AGRN: variants seen among roughly 807,000 people sequenced by gnomAD.
AGRN encodes the protein agrin.
A neutral mutation model predicts 211.0 loss-of-function variants in AGRN; 106 were observed. The observed-to-expected ratio is 0.50, with a 90% confidence interval of 0.43 to 0.59. AGRN has a LOEUF of 0.59. AGRN is among the 20% of genes least tolerant of loss of function. The probability of loss-of-function intolerance (pLI) is 0.00; values close to 1 mark genes in which losing one functional copy is unlikely to be tolerated. For missense variants in AGRN, 3,040 were observed against 2,982.6 expected (o/e 1.02, Z -0.45); for synonymous variants, 1,525 against 1,332.5 (o/e 1.14, Z -3.15).
At chr1:1,022,115 G>T (rs1055481777) in intron 1 of AGRN, 86 bp from the exon 2 acceptor site, 9 of 1,540,754 alleles carry the variant, frequency 5.8e-6, no homozygotes, top group Non-Finnish European at 8.0e-6. Flanking sequence ...GTCTACTGTG[G>T]ACATTTGCCC....
chr1:1,040,670 C>G lies in AGRN; in HGVS notation c.517C>G (p.Arg173Gly). ...PVPPTPPDAC[R>G]GMLCGFGAVC... The stretch of plus-strand genomic sequence containing the variant: ...TTCTCCCCTACCCGCCCCAGCGTGC[C>G]GGGGAATGCTGTGCGGCTTCGGCGC... The change falls in exon 4 of 36, where the codon CGG becomes GGG. Residue 173 changes from arginine to glycine, a missense_variant. Arg to Gly is a moderately radical substitution (Grantham distance 125). Around this residue, in one of 3 missense-constraint regions of AGRN, gnomAD observed 1,498 missense variants for 1,457.8 expected, o/e 1.03. Coordinates refer to ENST00000379370, the MANE Select transcript of AGRN (RefSeq NM_198576.4). 2.6e-6 allele frequency: 4 copies of G among 1,547,338 alleles called. No homozygotes were observed. Among genetic ancestry groups the G allele is most frequent in the Non-Finnish European group, 2.6e-6 (3 of 1,146,312 alleles).
intron 3 of AGRN, among the ~76,000 whole-genome samples, chr1:1,038,126 A>G (rs1170485069): frequency 2.0e-5 from 3 of 151,416 alleles, no homozygotes; most frequent in African/African-American, 7.3e-5. Flanking sequence ...TGACCTTTAA[A>G]CCCTGGGCTG....
At position 1,051,320 on chromosome 1, in the gene AGRN, T is replaced by C; in HGVS notation, c.5321T>C (p.Leu1774Pro). 1 of 1,562,194 alleles carries C rather than the reference T, an allele frequency of 6.4e-7. No individual in the cohort carries two copies. Among genetic ancestry groups the C allele is most frequent in the Non-Finnish European group, 8.7e-7 (1 of 1,154,178 alleles). ...GGGGGCGCTCCCGACTTCAGCAAGC[T>C]GGCCCGTGCTGCTGCCGTGTCCTCT... ...YVGGAPDFSK[L>P]ARAAAVSSGF... The change falls in exon 31 of 36, where the codon CTG (leucine) becomes CCG (proline). Residue 1774 changes from leucine to proline, a missense_variant. By Grantham distance (98) the Leu-to-Pro change is moderately conservative. Transcript: ENST00000379370.
chr1:1,052,729 A>C (rs568043784), intron 33 of AGRN: 1 of 140,258 alleles, frequency 7.1e-6, no homozygotes, highest in East Asian at 2.3e-4. Flanking sequence ...GGAGACACGC[A>C]GGTGTGTGTC....
intron 2 of AGRN, among the ~76,000 whole-genome samples, chr1:1,022,799 GTT>G (rs1644438060): frequency 6.6e-6 from 1 of 152,256 alleles, no homozygotes; most frequent in South Asian, 2.1e-4. Flanking sequence ...GTCCCCAGCT[GTT>G]CAAGCCCCTG....
rs1470596597 is a variant in AGRN at position 1,049,727 on chromosome 1, A to G, written c.4676A>G (p.His1559Arg). 7 of 1,582,544 alleles carry G rather than the reference A, an allele frequency of 4.4e-6. No homozygotes were observed. The highest frequency in any genetic ancestry group is 2.3e-5 in the South Asian group (2 of 87,872). Reference sequence around the variant, plus strand: ...CACCCCTGCCTGCCCAACCCCTGCCATGGCGGGGCCCCATGCCAGAACCTG... The same window carrying G: ...CACCCCTGCCTGCCCAACCCCTGCCGTGGCGGGGCCCCATGCCAGAACCTG... Reference protein sequence around the residue: ...GDHPCLPNPCHGGAPCQNLEA... With the variant: ...GDHPCLPNPCRGGAPCQNLEA... Residue 1559 changes from histidine (H) to arginine (R), a missense_variant, in exon 26 of 36, where the codon CAT becomes CGT. Physicochemically the swap from His to Arg is conservative, Grantham distance 29. This residue lies in a region of AGRN where 1,537 missense variants were observed against 1,505.0 expected (regional missense o/e 1.02). Coordinates refer to ENST00000379370, the MANE Select transcript of AGRN (RefSeq NM_198576.4).
At position 1,053,885 on chromosome 1, in the gene AGRN, G is replaced by A. The variant is rs1294112575; in HGVS notation, c.5784G>A (p.Leu1928=). 2 of 1,609,256 alleles carry A rather than the reference G, an allele frequency of 1.2e-6. No homozygotes were observed. Among genetic ancestry groups the A allele is most frequent in the African/African-American group, 1.3e-5 (1 of 75,024 alleles). ...CACTGGCCATTGTGGACGGGCACCT[G>A]CAACTGAGCTACAACCTGGGCTCCC... ...YVALAIVDGH[L]QLSYNLGSQP... The change falls in exon 34 of 36, where the codon CTG becomes CTA. Residue 1928 remains leucine, a synonymous_variant. Transcript: ENST00000379370.
At position 1,053,986 on chromosome 1, in the gene AGRN, G is replaced by A. The variant is rs772517259; in HGVS notation, c.5876+9G>A. ...CGGGTCGTGGCACATAGGTGAGTAG[G>A]GAACCCAGCGTGCCGAGAATAGTGG... On this transcript the variant is annotated intron_variant, in intron 34 of 35. Transcript: ENST00000379370. 6.0e-5 allele frequency: 95 copies of A among 1,587,776 alleles called. No homozygotes were observed. Among genetic ancestry groups the A allele is most frequent in the Non-Finnish European group, 8.0e-5 (93 of 1,167,884 alleles).
In AGRN at chr1:1,050,723, C is replaced by T. The variant is rs1645259138; in HGVS notation, c.5142-3C>T. 6.2e-7 allele frequency: 1 copy of T among 1,601,146 alleles called. No homozygotes were observed. Among genetic ancestry groups the T allele is most frequent in the Non-Finnish European group, 8.5e-7 (1 of 1,176,156 alleles). ...GCCCACTCACGCTGCCCCTCCTCAC[C>T]AGGAGCAGGGAGCCAGTCACCCTGG... On this transcript the variant is annotated splice_region_variant and splice_polypyrimidine_tract_variant and intron_variant, in intron 29 of 35. Transcript: ENST00000379370.
At chr1:1,034,655 C>G (rs1644756876) in intron 2 of AGRN, 4 of 988,810 alleles carry the variant, frequency 4.0e-6, no homozygotes, top group Non-Finnish European at 4.8e-6. Context: ...CCTGATCCTG[C>G]TGGCCACCGC....
chr1:1,054,491 G>A lies in AGRN; in HGVS notation c.5920G>A (p.Val1974Met), dbSNP rs1370588973. The A allele has an allele frequency of 1.9e-6, 3 of 1,603,068 alleles. No individual in the cohort carries two copies. In the South Asian group the frequency reaches 3.4e-5, roughly 18 times the overall value. The change falls in exon 35 of 36, where the codon GTG becomes ATG. Residue 1974 changes from valine to methionine, a missense_variant. This residue lies in a region of AGRN where 1,537 missense variants were observed against 1,505.0 expected (regional missense o/e 1.02). Transcript: ENST00000379370. ...CCTGCAGGTGGGCAATGAGGCCCCT[G>A]TGACCGGCTCCTCCCCGCTGGGCGC... is the stretch of plus-strand genomic sequence containing the variant. ...GSLQVGNEAPVTGSSPLGATQ... is the reference protein window; with the variant it reads ...GSLQVGNEAPMTGSSPLGATQ...
intron 33 of AGRN, chr1:1,053,450 C>T (rs746464096): frequency 6.9e-6 from 10 of 1,454,362 alleles, no homozygotes; most frequent in African/African-American, 1.4e-5. Flanking sequence ...CCCTCTCTTC[C>T]TGCTTCTAAG....
intron 2 of AGRN, chr1:1,034,065 G>C (rs887841524): frequency 1.1e-6 from 1 of 951,918 alleles, no homozygotes; most frequent in African/African-American, 1.8e-5. Flanking sequence ...CTCCGCAGGC[G>C]GCGCTTTCTT....
chr1:1,054,907 G>C lies in AGRN; in HGVS notation c.6064G>C (p.Val2022Leu). The C allele has an allele frequency of 1.3e-6, 2 of 1,549,266 alleles. No homozygotes were observed. The highest frequency in any genetic ancestry group is 1.7e-6 in the Non-Finnish European group (2 of 1,147,588). Residue 2022 changes from valine to leucine, a missense_variant, in exon 36 of 36, where the codon GTG (valine) becomes CTG (leucine). Val to Leu is a conservative substitution (Grantham distance 32). Coordinates refer to ENST00000379370, the MANE Select transcript of AGRN (RefSeq NM_198576.4). ...TGTGGGCTGCTTGCGGGACGTGGTG[G>C]TGGGCCGGCACCCGCTGCACCTGCT... is the stretch of plus-strand genomic sequence containing the variant. ...GFVGCLRDVV[V>L]GRHPLHLLED...
Position 1,041,647 on chromosome 1 carries a change from G to C in AGRN, c.1122G>C (p.Gly374=). ...YENDCVMGRS[G]AARGLLLQKV... ...ACGACTGTGTCATGGGCCGATCGGG[G>C]GCCGCCCGGGGTCTCCTCCTGCAGA... The change falls in exon 6 of 36, where the codon GGG becomes GGC. Residue 374 remains glycine, a synonymous_variant. Coordinates refer to ENST00000379370, the MANE Select transcript of AGRN (RefSeq NM_198576.4). 3.7e-6 allele frequency: 6 copies of C among 1,611,200 alleles called. No individual in the cohort carries two copies. Among genetic ancestry groups the C allele is most frequent in the Non-Finnish European group, 5.1e-6 (6 of 1,179,126 alleles).
chr1:1,041,116 GCGGGGCGGGA>G (rs1644921442), intron 4 of AGRN, 47 bp from the exon 5 acceptor site: 1 of 1,124,554 alleles, frequency 8.9e-7, no homozygotes, highest in South Asian at 2.3e-5. Context: ...CGGGGCGGGA[GCGGGGCGGGA>G]GCGGGGGCGG....
At chr1:1,039,417 G>GGA (rs1042636448) in intron 3 of AGRN, among the ~76,000 whole-genome samples, 16 of 151,562 alleles carry the variant, frequency 1.1e-4, no homozygotes, top group African/African-American at 3.9e-4. Flanking sequence ...GAGATGGGGG[G>GGA]GGTTCCTCCT....
At chr1:1,024,897 A>AC (rs1271407452) in intron 2 of AGRN, among the ~76,000 whole-genome samples, 2 of 151,884 alleles carry the variant, frequency 1.3e-5, no homozygotes, top group Non-Finnish European at 2.9e-5. Flanking sequence ...CCGGAAGGAG[A>AC]CCCCCGCCCC....
Position 1,041,388 on chromosome 1 carries a change from G to C in AGRN, c.943G>C (p.Gly315Arg). 7.8e-6 allele frequency: 12 copies of C among 1,541,596 alleles called. No individual in the cohort carries two copies. Among genetic ancestry groups the C allele is most frequent in the Non-Finnish European group, 1.0e-5 (12 of 1,150,356 alleles). ...GGAGAATGTCTTCAAGAAGTTCGAC[G>C]GCCCTTGTGGTGAGCGCGGCGGCGG... ...RQENVFKKFD[G>R]PCDPCQGALP... The change falls in exon 5 of 36, where the codon GGC (glycine) becomes CGC (arginine). Residue 315 changes from glycine to arginine, a missense_variant. Gly to Arg is a moderately radical substitution (Grantham distance 125). Around this residue, in one of 3 missense-constraint regions of AGRN, gnomAD observed 1,498 missense variants for 1,457.8 expected, o/e 1.03. Transcript: ENST00000379370.
Sources: gnomAD v4.1 joint callset for allele counts (sites outside exome capture counted in the v4.1 genomes callset) on GRCh38, gnomAD v4.1.1 for gene constraint, gnomAD v4.1.1 regional missense constraint, MANE v1.5 for transcripts, NCBI Gene and HGNC (gene_info 2026-07-23, HGNC 2026-07-21) for gene names.